Variants in RORA observed in about 807,000 individuals in gnomAD.
RORA encodes the protein nuclear receptor ROR-alpha.
A neutral mutation model predicts 69.5 loss-of-function variants in RORA; 7 were observed. That is an observed-to-expected ratio of 0.10 (90% CI 0.06 to 0.19). The LOEUF (loss-of-function observed/expected upper bound fraction) is 0.19, where lower values mean the gene tolerates loss of function less well. RORA is among the 10% of genes least tolerant of loss of function. The pLI is 1.00. For synonymous variants in RORA, 261 were observed against 240.8 expected (o/e 1.08, Z -0.78); for missense variants, 457 against 663.0 (o/e 0.69, Z 3.41).
Position 60,883,177 on chromosome 15 carries a change from AG to A in RORA, c.167-204492del, listed in dbSNP as rs1567224703. Among the ~76,000 whole-genome samples the A allele has an allele frequency of 1.5e-3, 204 of 132,584 alleles. 3 individuals are homozygous for A. Among genetic ancestry groups the A allele is most frequent in the African/African-American group, 3.5e-3 (127 of 36,462 alleles). 87.0% of individuals were successfully genotyped at this position (132,584 alleles called of 152,430 possible). On this transcript the variant is annotated intron_variant, in intron 1 of 10. Transcript: ENST00000335670. ...GAAAGAGAGAGAGAGAGAGAGAGAG[AG>A]AGAGAAAGAAAGAAAACCTATATAA...
At chr15:60,608,595 T>C (rs2069006748) in intron 2 of RORA, among the ~76,000 whole-genome samples, 1 of 152,198 alleles carries the variant, frequency 6.6e-6, no homozygotes, top group Non-Finnish European at 1.5e-5. Context: ...CTGAAGAGTT[T>C]ATATTTTGAG....
chr15:60,532,246 C>A (rs1180436166), intron 2 of RORA, among the ~76,000 whole-genome samples: 1 of 152,132 alleles, frequency 6.6e-6, no homozygotes, highest in Non-Finnish European at 1.5e-5. Context: ...AGCATTACAG[C>A]TTGACTGCTA....
intron 2 of RORA, among the ~76,000 whole-genome samples, chr15:60,612,272 C>T (rs2069108228): frequency 6.6e-6 from 1 of 150,512 alleles, no homozygotes; most frequent in Non-Finnish European, 1.5e-5. Flanking sequence ...CCCCTGTGCC[C>T]TTGTCCAATG....
intron 2 of RORA, among the ~76,000 whole-genome samples, chr15:60,577,162 G>T (rs1453033536): frequency 6.6e-6 from 1 of 152,176 alleles, no homozygotes; most frequent in Non-Finnish European, 1.5e-5. Context: ...ATTTGCTCTT[G>T]AATTCATGTT....
chr15:61,038,196 C>T (rs922485273), intron 1 of RORA, among the ~76,000 whole-genome samples: 5 of 152,232 alleles, frequency 3.3e-5, no homozygotes, highest in African/African-American at 4.8e-5. Context: ...AGTTATCGAA[C>T]GTATTATGAA....
At chr15:60,847,018 C>T (rs553499228) in intron 1 of RORA, among the ~76,000 whole-genome samples, 1 of 152,264 alleles carries the variant, frequency 6.6e-6, no homozygotes, top group South Asian at 2.1e-4. Flanking sequence ...ATATCAGGGT[C>T]ACAGCAAGAG....
intron 1 of RORA, among the ~76,000 whole-genome samples, chr15:60,960,222 T>A (rs1035848100): frequency 4.6e-5 from 7 of 152,208 alleles, no homozygotes; most frequent in African/African-American, 1.7e-4. Flanking sequence ...CATAGAGACA[T>A]GTTAAAGAAG....
At chr15:61,220,330 T>G (rs1263266354) in intron 1 of RORA, among the ~76,000 whole-genome samples, 1 of 152,186 alleles carries the variant, frequency 6.6e-6, no homozygotes, top group African/African-American at 2.4e-5. Flanking sequence ...TTCCTGAGAG[T>G]ACATGCTGTA....
At chr15:61,163,421 G>C (rs966720905) in intron 1 of RORA, among the ~76,000 whole-genome samples, 1 of 152,148 alleles carries the variant, frequency 6.6e-6, no homozygotes, top group Admixed American at 6.5e-5. Flanking sequence ...ATTCTGCCAG[G>C]TAAAGGCCTC....
chr15:60,662,254 G>A (rs1163042775), intron 2 of RORA, among the ~76,000 whole-genome samples: 2 of 152,186 alleles, frequency 1.3e-5, no homozygotes. Context: ...TAATTTGCAA[G>A]TAGTTGCTAA....
At chr15:60,572,512 A>C (rs1486096540) in intron 2 of RORA, among the ~76,000 whole-genome samples, 1 of 152,054 alleles carries the variant, frequency 6.6e-6, no homozygotes, top group East Asian at 1.9e-4. Context: ...AGCAAGAAAA[A>C]AAAAAGAGGG....
At chr15:60,749,741 A>G (rs1423689801) in intron 1 of RORA, among the ~76,000 whole-genome samples, 1 of 152,198 alleles carries the variant, frequency 6.6e-6, no homozygotes, top group Non-Finnish European at 1.5e-5. Flanking sequence ...AATAGCTAAT[A>G]TTAGGGCTGG....
intron 1 of RORA, among the ~76,000 whole-genome samples, chr15:61,172,761 A>T (rs1341039909): frequency 6.6e-6 from 1 of 152,198 alleles, no homozygotes; most frequent in Non-Finnish European, 1.5e-5. Flanking sequence ...CGTTAGAATC[A>T]TTTCCAGGGT....
At chr15:60,763,448 GAA>G (rs1199641048) in intron 1 of RORA, among the ~76,000 whole-genome samples, 3 of 152,106 alleles carry the variant, frequency 2.0e-5, no homozygotes, top group Non-Finnish European at 4.4e-5. Flanking sequence ...CTTTCTTTTA[GAA>G]AGTTTCCTTT....
chr15:60,843,349 C>G (rs1408492989), intron 1 of RORA, among the ~76,000 whole-genome samples: 1 of 152,138 alleles, frequency 6.6e-6, no homozygotes, highest in Non-Finnish European at 1.5e-5. Flanking sequence ...GCCATAAAGT[C>G]CAGGTACCTC....
At chr15:61,109,255 G>A (rs895367790) in intron 1 of RORA, among the ~76,000 whole-genome samples, 1 of 152,166 alleles carries the variant, frequency 6.6e-6, no homozygotes, top group South Asian at 2.1e-4. Flanking sequence ...TACGTGTATT[G>A]TCATGTGAGC....
chr15:60,882,198 C>T (rs145241968), intron 1 of RORA, among the ~76,000 whole-genome samples: 11 of 152,166 alleles, frequency 7.2e-5, no homozygotes, highest in East Asian at 1.9e-4. Context: ...TCACTAGACA[C>T]GGAATTATAG....
At chr15:60,672,101 G>A (rs567457631) in intron 2 of RORA, among the ~76,000 whole-genome samples, 1 of 152,210 alleles carries the variant, frequency 6.6e-6, no homozygotes, top group African/African-American at 2.4e-5. Context: ...AAATAATAAA[G>A]TAAGAACGCT....
chr15:60,970,222 G>T (rs1893673982), intron 1 of RORA, among the ~76,000 whole-genome samples: 1 of 152,160 alleles, frequency 6.6e-6, no homozygotes, highest in Non-Finnish European at 1.5e-5. Context: ...TCTGTAAAAT[G>T]GATACTAATG....
Sources: gnomAD v4.1 joint callset for allele counts (sites outside exome capture counted in the v4.1 genomes callset) on GRCh38, gnomAD v4.1.1 for gene constraint, MANE v1.5 for transcripts, NCBI Gene and HGNC (gene_info 2026-07-23, HGNC 2026-07-21) for gene names.